LRP1B: variants seen among roughly 807,000 people sequenced by gnomAD.
LRP1B encodes LDL receptor related protein 1B.
A neutral mutation model predicts 556.6 loss-of-function variants in LRP1B; 217 were observed. That is an observed-to-expected ratio of 0.39 (90% confidence interval 0.35 to 0.44). The LOEUF (loss-of-function observed/expected upper bound fraction) is 0.44, where lower values mean the gene tolerates loss of function less well. Ranked by LOEUF, LRP1B falls within the 20% of genes least tolerant of loss-of-function variation. The pLI, the probability that LRP1B is intolerant of heterozygous loss-of-function variation, is 1.00. For missense variants in LRP1B, 5,053 were observed against 5,620.8 expected, an observed-to-expected ratio of 0.90 and a Z score of 3.23; for synonymous variants, 2,047 against 1,865.8, an observed-to-expected ratio of 1.10 and a Z score of -2.50.
Position 140,378,228 on chromosome 2 carries a change from T to C in LRP1B, c.10590A>G (p.Ser3530=), listed in dbSNP as rs2105182952. ...CAAAATCTCCATCACACCAAAACCT[T>C]GAAGAAACACAGTCCCCATTGGCAC... ...FLCANGDCVS[S]RFWCDGDFDC... is the part of the protein sequence containing the mutation. Residue 3530 remains serine, a synonymous_variant, in exon 68 of 91, where the codon TCA becomes TCG. Coordinates refer to ENST00000389484, the MANE Select transcript of LRP1B (RefSeq NM_018557.3). 2 of 1,613,830 alleles carry C rather than the reference T, an allele frequency of 1.2e-6. No homozygotes were observed. The highest frequency in any genetic ancestry group is 2.2e-5 in the South Asian group (2 of 91,078).
At chr2:140,812,598 A>T (rs1369453293) in intron 32 of LRP1B, among the ~76,000 whole-genome samples, 1 of 151,926 alleles carries the variant, frequency 6.6e-6, no homozygotes, top group South Asian at 2.1e-4. Flanking sequence ...ATAATAAAAC[A>T]ACAACAACAT....
intron 6 of LRP1B, among the ~76,000 whole-genome samples, chr2:141,190,094 G>C (rs1414590397): frequency 1.3e-5 from 2 of 151,940 alleles, no homozygotes; most frequent in East Asian, 3.9e-4. Context: ...GAGAGAACCT[G>C]CATATCAAGA....
At chr2:141,850,108 C>T (rs187096936) in intron 1 of LRP1B, among the ~76,000 whole-genome samples, 317 of 151,780 alleles carry the variant, frequency 2.1e-3, no homozygotes, top group South Asian at 4.1e-3. Context: ...ATGATTCATT[C>T]GATTTTGTTA....
chr2:140,828,374 C>T (rs1175306915), intron 31 of LRP1B, among the ~76,000 whole-genome samples: 2 of 151,388 alleles, frequency 1.3e-5, no homozygotes, highest in East Asian at 3.9e-4. Flanking sequence ...CTTTGGGAGG[C>T]CGAGGCAGGC....
chr2:141,043,007 C>T (rs1331786638), intron 11 of LRP1B, among the ~76,000 whole-genome samples: 2 of 128,436 alleles, frequency 1.6e-5, no homozygotes, highest in Admixed American at 9.3e-5. Context: ...GCTGGGGCAA[C>T]ATGGTGAAAG....
intron 33 of LRP1B, among the ~76,000 whole-genome samples, chr2:140,771,988 C>A (rs1689328485): frequency 6.6e-6 from 1 of 152,114 alleles, no homozygotes; most frequent in Non-Finnish European, 1.5e-5. Flanking sequence ...TCAATCGAAC[C>A]TGTCATGAGC....
chr2:140,944,461 A>G (rs1162759189), intron 20 of LRP1B, among the ~76,000 whole-genome samples: 3 of 152,118 alleles, frequency 2.0e-5, no homozygotes, highest in Non-Finnish European at 4.4e-5. Context: ...ATGCAATGAA[A>G]AAAGAAAATT....
At chr2:142,026,136 G>A (rs1703493620) in intron 1 of LRP1B, among the ~76,000 whole-genome samples, 1 of 151,996 alleles carries the variant, frequency 6.6e-6, no homozygotes, top group Non-Finnish European at 1.5e-5. Context: ...CTTTATTTTT[G>A]CCTGCTTTTT....
intron 81 of LRP1B, 35 bp from the exon 82 acceptor site, chr2:140,322,123 ATATAGATACAATAG>A: frequency 6.3e-7 from 1 of 1,592,618 alleles, no homozygotes; most frequent in Non-Finnish European, 8.6e-7. Flanking sequence ...AAGTGTGTAA[ATATAGATACAATAG>A]GCTTCAAAAG....
chr2:141,552,165 A>T (rs1327056413), intron 2 of LRP1B, among the ~76,000 whole-genome samples: 1 of 152,068 alleles, frequency 6.6e-6, no homozygotes, highest in Non-Finnish European at 1.5e-5. Context: ...GAAATGCAGT[A>T]TCATTGGTAT....
At chr2:141,822,130 C>CACAGAGAG (rs374369026) in intron 1 of LRP1B, among the ~76,000 whole-genome samples, 28 of 95,894 alleles carry the variant, frequency 2.9e-4, no homozygotes, top group East Asian at 1.0e-3. Context: ...CACACACACA[C>CACAGAGAG]AGAGAGAGAG....
chr2:141,893,351 C>A (rs1699347368), intron 1 of LRP1B, among the ~76,000 whole-genome samples: 1 of 152,066 alleles, frequency 6.6e-6, no homozygotes, highest in African/African-American at 2.4e-5. Flanking sequence ...CAGGCGTGTG[C>A]CACCGCACCT....
intron 43 of LRP1B, among the ~76,000 whole-genome samples, chr2:140,582,449 T>C (rs1681807675): frequency 6.6e-6 from 1 of 152,222 alleles, no homozygotes; most frequent in Non-Finnish European, 1.5e-5. Flanking sequence ...GGTTCGAATG[T>C]CTTCCAAAAT....
At chr2:140,693,275 C>G (rs984950172) in intron 41 of LRP1B, among the ~76,000 whole-genome samples, 3 of 152,048 alleles carry the variant, frequency 2.0e-5, no homozygotes. Flanking sequence ...TATGTGAATT[C>G]TACTATCAAC....
At chr2:141,984,730 G>A (rs373698584) in intron 1 of LRP1B, among the ~76,000 whole-genome samples, 10 of 152,060 alleles carry the variant, frequency 6.6e-5, no homozygotes, top group Middle Eastern at 3.4e-3. Flanking sequence ...TTAAAACATC[G>A]TCTTATTTTC....
chr2:141,660,065 T>C (rs1293698517), intron 2 of LRP1B, among the ~76,000 whole-genome samples: 1 of 151,288 alleles, frequency 6.6e-6, no homozygotes, highest in African/African-American at 2.4e-5. Flanking sequence ...ACAGCTGCAG[T>C]CGGAGTCTCC....
At chr2:141,349,420 C>T (rs950232079) in intron 3 of LRP1B, among the ~76,000 whole-genome samples, 2 of 151,902 alleles carry the variant, frequency 1.3e-5, no homozygotes, top group African/African-American at 4.8e-5. Flanking sequence ...ATACGAAGGA[C>T]CAGTTTTGGA....
At chr2:141,070,195 G>C (rs1369623036) in intron 7 of LRP1B, among the ~76,000 whole-genome samples, 1 of 151,810 alleles carries the variant, frequency 6.6e-6, no homozygotes, top group Non-Finnish European at 1.5e-5. Context: ...TCTTAATCCA[G>C]AAACTCACTC....
intron 1 of LRP1B, among the ~76,000 whole-genome samples, chr2:141,897,834 C>T (rs1699499467): frequency 6.6e-6 from 1 of 152,122 alleles, no homozygotes; most frequent in Non-Finnish European, 1.5e-5. Flanking sequence ...TCTCCCAAAA[C>T]ACGGTTATAA....
Sources: allele counts gnomAD v4.1 joint callset (sites outside exome capture counted in the v4.1 genomes callset), GRCh38; gene constraint gnomAD v4.1.1; transcripts MANE v1.5; gene names NCBI Gene and HGNC (gene_info 2026-07-23, HGNC 2026-07-21).